The following CACNA1E variants were observed in gnomAD, a reference collection of about 807,000 sequenced individuals.
CACNA1E encodes voltage-dependent R-type calcium channel subunit alpha-1E.
Under a neutral mutation model 259.2 loss-of-function variants are expected in CACNA1E, and 40 were observed. That is an observed-to-expected ratio of 0.15 (90% CI 0.12 to 0.20). The LOEUF is 0.20. Among genes scored for constraint, CACNA1E ranks in the 10% least tolerant of loss-of-function variants. The pLI, the probability that CACNA1E is intolerant of heterozygous loss-of-function variation, is 1.00. For synonymous variants in CACNA1E, 1,104 were observed against 1,138.5 expected, an observed-to-expected ratio of 0.97 and a Z score of 0.61; for missense variants, 1,874 against 3,040.1, an observed-to-expected ratio of 0.62 and a Z score of 9.02.
chr1:181,364,573 CA>C (rs1482514788), intron 1 of CACNA1E, among the ~76,000 whole-genome samples: 2 of 152,140 alleles, frequency 1.3e-5, no homozygotes, highest in Non-Finnish European at 2.9e-5. Context: ...TGGTTCAACA[CA>C]GGGGTTGAAT....
intron 37 of CACNA1E, among the ~76,000 whole-genome samples, chr1:181,775,870 C>T (rs953395598): frequency 6.6e-6 from 1 of 152,140 alleles, no homozygotes; most frequent in African/African-American, 2.4e-5. Flanking sequence ...ACCAGTTCAC[C>T]GATCCTGGTC....
chr1:181,562,585 G>A (rs1020792686), intron 3 of CACNA1E, among the ~76,000 whole-genome samples: 2 of 152,080 alleles, frequency 1.3e-5, no homozygotes, highest in African/African-American at 4.8e-5. Context: ...TCTTAGCCTC[G>A]TTTCTTTCAC....
At chr1:181,660,350 G>T (rs1647527225) in intron 7 of CACNA1E, among the ~76,000 whole-genome samples, 1 of 152,220 alleles carries the variant, frequency 6.6e-6, no homozygotes, top group South Asian at 2.1e-4. Flanking sequence ...TGGGTAAAAT[G>T]AGGAGATTGT....
upstream of CACNA1E, chr1:181,483,212 CTT>C (rs1558039789): frequency 6.6e-6 from 1 of 152,038 alleles, no homozygotes; most frequent in African/African-American, 2.4e-5. Context: ...CCGTCCTCGT[CTT>C]TGTTTATTTT....
intron 2 of CACNA1E, among the ~76,000 whole-genome samples, chr1:181,461,111 T>G (rs544057405): frequency 5.9e-5 from 9 of 152,308 alleles, no homozygotes; most frequent in Admixed American, 1.3e-4. Flanking sequence ...GCTTTTGCCA[T>G]TAAGGGAGGT....
chr1:181,352,123 G>A (rs1189449500), intron 1 of CACNA1E, among the ~76,000 whole-genome samples: 1 of 152,228 alleles, frequency 6.6e-6, no homozygotes, highest in African/African-American at 2.4e-5. Flanking sequence ...GTCACCAGCT[G>A]TGATATTTTA....
chr1:181,408,605 C>A (rs1397895791), intron 1 of CACNA1E, among the ~76,000 whole-genome samples: 2 of 152,072 alleles, frequency 1.3e-5, no homozygotes, highest in African/African-American at 2.4e-5. Flanking sequence ...CTTATTCTGC[C>A]ATTCCACTGT....
chr1:181,738,352 A>G lies in CACNA1E; in HGVS notation c.3553-15A>G, dbSNP rs1404990013. 4.3e-6 allele frequency: 7 copies of G among 1,611,024 alleles called. No homozygotes were observed. Among genetic ancestry groups the G allele is most frequent in the Non-Finnish European group, 5.9e-6 (7 of 1,177,306 alleles). On this transcript the variant is annotated splice_polypyrimidine_tract_variant and intron_variant, in intron 23 of 47. Coordinates refer to ENST00000367573, the MANE Select transcript of CACNA1E (RefSeq NM_001205293.3). The stretch of plus-strand genomic sequence containing the variant: ...CCACACATGGTCATTTCCTTCCACC[A>G]TATGTGTCTTTCAGGTCCTGAGGTA...
chr1:181,533,768 C>A (rs1558096819), intron 3 of CACNA1E, among the ~76,000 whole-genome samples: 1 of 152,060 alleles, frequency 6.6e-6, no homozygotes, highest in Non-Finnish European at 1.5e-5. Flanking sequence ...ATTTTTTCCA[C>A]TTATGACTTG....
At chr1:181,482,362 C>G (rs1305352511), upstream of CACNA1E, among the ~76,000 whole-genome samples, 1 of 152,272 alleles carries the variant, frequency 6.6e-6, no homozygotes, top group Non-Finnish European at 1.5e-5. Flanking sequence ...GCGCCCCACG[C>G]CAGGCCCTCG....
chr1:181,669,735 A>T (rs1477920876), intron 7 of CACNA1E, among the ~76,000 whole-genome samples: 1 of 152,220 alleles, frequency 6.6e-6, no homozygotes, highest in Non-Finnish European at 1.5e-5. Context: ...TGTATTCATC[A>T]GAAATTTTCC....
intron 3 of CACNA1E, among the ~76,000 whole-genome samples, chr1:181,565,405 C>T (rs1649720284): frequency 6.6e-6 from 1 of 152,158 alleles, no homozygotes; most frequent in African/African-American, 2.4e-5. Flanking sequence ...GTAAGATTGG[C>T]TTTATTTTTC....
chr1:181,705,565 A>G (rs1476156213), intron 7 of CACNA1E, among the ~76,000 whole-genome samples: 1 of 152,172 alleles, frequency 6.6e-6, no homozygotes, highest in Non-Finnish European at 1.5e-5. Context: ...CTTAACTCCA[A>G]TTCACCTTAC....
intron 7 of CACNA1E, chr1:181,668,720 G>A (rs1361658013): frequency 3.9e-5 from 6 of 151,942 alleles, no homozygotes; most frequent in African/African-American, 4.8e-5. Flanking sequence ...AATTTATCTC[G>A]AAGTTATAAG....
At chr1:181,665,820 C>G (rs910691973) in intron 7 of CACNA1E, among the ~76,000 whole-genome samples, 70 of 152,078 alleles carry the variant, frequency 4.6e-4, no homozygotes, top group African/African-American at 1.7e-3. Context: ...ATTTAATGTT[C>G]CAGTCTGCTA....
intron 30 of CACNA1E, among the ~76,000 whole-genome samples, chr1:181,757,333 T>C (rs1348573867): frequency 1.3e-5 from 2 of 152,198 alleles, no homozygotes; most frequent in Non-Finnish European, 2.9e-5. Flanking sequence ...CTGGAAGATA[T>C]GTAAGATGTT....
rs1661660997 is a variant in CACNA1E at position 181,794,945 on chromosome 1, T to C, written c.6109T>C (p.Phe2037Leu). 6.2e-7 allele frequency: 1 copy of C among 1,613,838 alleles called. No individual in the cohort carries two copies. The highest frequency in any genetic ancestry group is 8.5e-7 in the Non-Finnish European group (1 of 1,179,850). ...TTCAAATTCCTCGTGGTTGGAGGAATTCTCCATGGAGCGAAGCAGTGAAAA... is the reference window on the plus strand; with the variant it reads ...TTCAAATTCCTCGTGGTTGGAGGAACTCTCCATGGAGCGAAGCAGTGAAAA... ...KRSNSSWLEEFSMERSSENTY... is the reference protein window; with the variant it reads ...KRSNSSWLEELSMERSSENTY... Residue 2037 changes from phenylalanine (F) to leucine (L), a missense_variant, in exon 46 of 48, where the codon TTC becomes CTC. Physicochemically the swap from Phe to Leu is conservative, Grantham distance 22. Coordinates refer to ENST00000367573, the MANE Select transcript of CACNA1E (RefSeq NM_001205293.3).
chr1:181,726,302 G>C, intron 18 of CACNA1E, 140 bp downstream of exon 18: 1 of 608,886 alleles, frequency 1.6e-6, no homozygotes. Context: ...GAGCCAGACA[G>C]AGTCTGTTTT....
chr1:181,605,775 G>C (rs999747804), intron 6 of CACNA1E, among the ~76,000 whole-genome samples: 16 of 152,170 alleles, frequency 1.1e-4, no homozygotes, highest in Non-Finnish European at 7.3e-5. Flanking sequence ...GGGGTACAGG[G>C]TGTGTCATCT....
Sources: gnomAD v4.1 joint callset for allele counts (sites outside exome capture counted in the v4.1 genomes callset) on GRCh38, gnomAD v4.1.1 for gene constraint, MANE v1.5 for transcripts, NCBI Gene and HGNC (gene_info 2026-07-23, HGNC 2026-07-21) for gene names.